Variants in FOCAD observed in about 807,000 individuals in gnomAD.
FOCAD encodes the protein KIAA1797.
FOCAD carries 198 observed loss-of-function variants against 225.6 expected under a neutral mutation model. That is an observed-to-expected ratio of 0.88 (90% CI 0.78 to 0.99). The LOEUF (loss-of-function observed/expected upper bound fraction) is 0.99. Ranked by LOEUF, FOCAD falls within the 50% of genes least tolerant of loss-of-function variation. FOCAD has a pLI of 0.00. For synonymous variants in FOCAD, 897 were observed against 755.0 expected (o/e 1.19, Z -3.08); for missense variants, 2,713 against 2,123.6 (o/e 1.28, Z -5.46).
chr9:20,679,172 TTG>T, intron 2 of FOCAD, among the ~76,000 whole-genome samples: 1 of 111,878 alleles, frequency 8.9e-6, no homozygotes, highest in Admixed American at 9.3e-5. Context: ...TGTGTGTGTG[TTG>T]GGGATGGAGG....
At chr9:20,939,571 A>G (rs1181709632) in intron 28 of FOCAD, among the ~76,000 whole-genome samples, 2 of 152,194 alleles carry the variant, frequency 1.3e-5, no homozygotes, top group Non-Finnish European at 2.9e-5. Context: ...TACCCACCAT[A>G]CAGATACTGA....
chr9:20,958,394 A>G (rs1486331654), intron 35 of FOCAD, among the ~76,000 whole-genome samples: 1 of 148,224 alleles, frequency 6.7e-6, no homozygotes, highest in East Asian at 2.0e-4. Context: ...GTAAATTTGA[A>G]ATTTTTAAAA....
At chr9:20,981,779 T>A in intron 38 of FOCAD, 93 bp downstream of exon 38, 4 of 1,382,466 alleles carry the variant, frequency 2.9e-6, no homozygotes, top group African/African-American at 1.4e-5. Context: ...GTTTTAAGAA[T>A]GTGGGTGGGA....
chr9:20,918,723 CAAA>C (rs59430546), intron 24 of FOCAD, among the ~76,000 whole-genome samples: 5 of 114,576 alleles, frequency 4.4e-5, no homozygotes, highest in Admixed American at 1.9e-4. Context: ...GACTCCGTCT[CAAA>C]AAAAAAAAAA....
At chr9:20,763,267 G>T (rs144409702) in intron 6 of FOCAD, among the ~76,000 whole-genome samples, 7 of 152,124 alleles carry the variant, frequency 4.6e-5, no homozygotes, top group African/African-American at 1.4e-4. Context: ...ACAGAAATCC[G>T]TGGCCTCATT....
chr9:20,806,601 G>A (rs1003726003), intron 11 of FOCAD, among the ~76,000 whole-genome samples: 2 of 151,958 alleles, frequency 1.3e-5, no homozygotes, highest in African/African-American at 2.4e-5. Context: ...CCTTTCCCTC[G>A]GGGGCATTGT....
At position 20,995,706 on chromosome 9, in the gene FOCAD, A is replaced by T; in HGVS notation, c.*77A>T. On this transcript the variant is annotated 3_prime_UTR_variant, in exon 44 of 44. Coordinates refer to ENST00000338382, the MANE Select transcript of FOCAD (RefSeq NM_001375567.1). ...AAGTGGAAGAAGTTTTTCAGAATTC[A>T]TGCCTGGTATTGCTGAGACATGATG... 1 of 1,292,988 alleles carries T rather than the reference A, an allele frequency of 7.7e-7. No homozygotes were observed. The highest frequency in any genetic ancestry group is 1.1e-6 in the Non-Finnish European group (1 of 895,590). The allele number at this position is 1,292,988 out of a possible 1,614,324, so 80.1% of individuals were successfully genotyped here.
At chr9:20,703,050 C>A (rs1021238796) in intron 1 of FOCAD, among the ~76,000 whole-genome samples, 2 of 151,814 alleles carry the variant, frequency 1.3e-5, no homozygotes, top group African/African-American at 4.8e-5. Context: ...AAAGAGTTTG[C>A]ATTTGGGGAG....
chr9:20,662,794 C>G (rs138220197), intron 2 of FOCAD, among the ~76,000 whole-genome samples: 5 of 152,130 alleles, frequency 3.3e-5, no homozygotes, highest in South Asian at 4.1e-4. Context: ...AACTTTGGCT[C>G]AGAGCCTGCT....
At chr9:20,941,271 C>A (rs1199922928) in intron 28 of FOCAD, among the ~76,000 whole-genome samples, 1 of 152,210 alleles carries the variant, frequency 6.6e-6, no homozygotes, top group Admixed American at 6.5e-5. Context: ...TTACTGCCAT[C>A]TAGTGGTAGC....
chr9:20,825,589 C>G (rs1357873766), intron 15 of FOCAD, among the ~76,000 whole-genome samples: 1 of 152,070 alleles, frequency 6.6e-6, no homozygotes, highest in Admixed American at 6.6e-5. Context: ...ATAACTCTAT[C>G]TTTAAGAAAA....
At chr9:20,864,529 C>T (rs1479312001) in intron 16 of FOCAD, among the ~76,000 whole-genome samples, 1 of 152,032 alleles carries the variant, frequency 6.6e-6, no homozygotes, top group Non-Finnish European at 1.5e-5. Flanking sequence ...TGTTTTAACT[C>T]ATCCCATCCT....
At chr9:20,692,006 T>C (rs1823009661) in intron 1 of FOCAD, among the ~76,000 whole-genome samples, 1 of 152,154 alleles carries the variant, frequency 6.6e-6, no homozygotes, top group African/African-American at 2.4e-5. Flanking sequence ...CGCCTTGGCC[T>C]CCCAAAGTGC....
chr9:20,898,545 G>C (rs1832295236), intron 21 of FOCAD, among the ~76,000 whole-genome samples: 1 of 151,746 alleles, frequency 6.6e-6, no homozygotes. Flanking sequence ...CTTCATTTCT[G>C]TTACCATGCT....
intron 18 of FOCAD, among the ~76,000 whole-genome samples, chr9:20,868,081 G>C (rs1402383286): frequency 6.6e-6 from 1 of 152,076 alleles, no homozygotes; most frequent in African/African-American, 2.4e-5. Flanking sequence ...GAAAACTTAG[G>C]TAAAGATGTG....
chr9:20,937,517 G>T (rs1350896002), intron 28 of FOCAD, among the ~76,000 whole-genome samples: 1 of 151,588 alleles, frequency 6.6e-6, no homozygotes, highest in African/African-American at 2.4e-5. Context: ...GGGAAAACTG[G>T]CTAGCCATAT....
intron 9 of FOCAD, among the ~76,000 whole-genome samples, chr9:20,781,437 T>C (rs1043197078): frequency 2.0e-5 from 3 of 152,222 alleles, no homozygotes; most frequent in Non-Finnish European, 4.4e-5. Context: ...TACTAGCATC[T>C]CAGAGGATAT....
Position 20,912,925 on chromosome 9 carries a change from G to C in FOCAD, c.2778G>C (p.Val926=), listed in dbSNP as rs1022471532. ...ATGGAAAAGAAGAACCTGAGGAGGT[G>C]CAGTACAAAAAAAGCACAGCCTGGC... ...LKHGKEEPEE[V]QYKKSTAWLW... The change falls in exon 23 of 44, where the codon GTG becomes GTC. Residue 926 remains valine (V), a synonymous_variant. Coordinates refer to ENST00000338382, the MANE Select transcript of FOCAD (RefSeq NM_001375567.1). 6.2e-7 allele frequency: 1 copy of C among 1,613,186 alleles called. No individual in the cohort carries two copies. The highest frequency in any genetic ancestry group is 8.5e-7 in the Non-Finnish European group (1 of 1,179,508).
At chr9:20,796,049 G>A (rs183451501) in intron 11 of FOCAD, among the ~76,000 whole-genome samples, 5,734 of 151,232 alleles carry the variant, frequency 0.038, 145 homozygotes, top group African/African-American at 0.071. Flanking sequence ...CCACCTATGA[G>A]TGAGAACATG....
Sources: gnomAD v4.1 joint callset for allele counts (sites outside exome capture counted in the v4.1 genomes callset) on GRCh38, gnomAD v4.1.1 for gene constraint, MANE v1.5 for transcripts, NCBI Gene and HGNC (gene_info 2026-07-23, HGNC 2026-07-21) for gene names.